Variants in NBAS observed in about 807,000 individuals in gnomAD.
The protein encoded by NBAS is NBAS subunit of NRZ tethering complex.
NBAS carries 219 observed loss-of-function variants against 302.5 expected under a neutral mutation model. The ratio of observed to expected loss-of-function variants is 0.72; its 90% CI spans 0.65 to 0.81. NBAS has a LOEUF of 0.81. Among genes scored for constraint, NBAS ranks in the 30% least tolerant of loss-of-function variants. The probability of loss-of-function intolerance (pLI) is 0.00; values close to 1 mark genes in which losing one functional copy is unlikely to be tolerated. For missense variants in NBAS, 2,932 were observed against 2,841.6 expected (o/e 1.03, Z -0.72); for synonymous variants, 1,118 against 1,021.6 (o/e 1.09, Z -1.80).
chr2:14,866,941 A>G, the NBAS span, among the ~76,000 whole-genome samples: 3 of 152,178 alleles, frequency 2.0e-5, no homozygotes, highest in African/African-American at 7.2e-5. Flanking sequence ...CAACTCACAG[A>G]TCTAACTGCG....
chr2:15,451,234 T>G (rs916800492), intron 21 of NBAS, among the ~76,000 whole-genome samples: 36 of 152,050 alleles, frequency 2.4e-4, no homozygotes, highest in Non-Finnish European at 7.4e-5. Flanking sequence ...TTATTTTCTG[T>G]AGAGACAGCG....
chr2:15,248,717 G>A (rs904354572), intron 44 of NBAS, among the ~76,000 whole-genome samples: 1 of 152,162 alleles, frequency 6.6e-6, no homozygotes, highest in African/African-American at 2.4e-5. Context: ...AAATCTAGAA[G>A]AAATGGATAA....
At chr2:15,388,005 T>A (rs1364481295) in intron 28 of NBAS, among the ~76,000 whole-genome samples, 2 of 152,196 alleles carry the variant, frequency 1.3e-5, no homozygotes, top group Non-Finnish European at 2.9e-5. Flanking sequence ...TGTCATAATG[T>A]TTTTATCAAA....
chr2:15,504,227 G>C lies in NBAS; in HGVS notation c.886-14C>G, dbSNP rs369836471. 4.7e-5 allele frequency: 75 copies of C among 1,591,346 alleles called. No homozygotes were observed. The highest frequency in any genetic ancestry group is 6.0e-5 in the Non-Finnish European group (70 of 1,159,660). ...TGTCTTCGGTACCTGCAAAATAAAT[G>C]CATCATATGAAGAAAGATTACTGAA... On this transcript the variant is annotated splice_polypyrimidine_tract_variant and intron_variant, in intron 10 of 51. Coordinates refer to ENST00000281513, the MANE Select transcript of NBAS (RefSeq NM_015909.4).
the NBAS span, among the ~76,000 whole-genome samples, chr2:15,047,070 T>C: frequency 2.0e-5 from 3 of 152,188 alleles, no homozygotes; most frequent in Non-Finnish European, 4.4e-5. Context: ...GATGAGTCTT[T>C]CAAGCAAGAT....
In NBAS at chr2:15,292,876, A is replaced by G. The variant is rs552861278; in HGVS notation, c.4798-110T>C. On this transcript the variant is annotated intron_variant, in intron 40 of 51. Transcript: ENST00000281513. The stretch of plus-strand genomic sequence containing the variant: ...TGCAAGGAACTGTTTGGCCCTGTAC[A>G]CTATTGCCATTTCATAAGGCTCACA... The G allele has an allele frequency of 1.5e-4, 159 of 1,073,558 alleles. 1 individual carries two copies. In the African/African-American group the frequency reaches 2.2e-3, roughly 15 times the overall value. The allele number at this position is 1,073,558 out of a possible 1,614,324, so 66.5% of individuals were successfully genotyped here.
chr2:15,177,590 C>T (rs1664608573), intron 51 of NBAS, among the ~76,000 whole-genome samples: 1 of 151,992 alleles, frequency 6.6e-6, no homozygotes, highest in Admixed American at 6.6e-5. Context: ...AGGCCCATGG[C>T]AAATTTTTGT....
At chr2:15,527,286 A>G (rs76460409) in intron 9 of NBAS, among the ~76,000 whole-genome samples, 1,919 of 152,370 alleles carry the variant, frequency 0.013, 32 homozygotes, top group East Asian at 0.057. Context: ...AAAGGTATAC[A>G]GTACATATTC....
chr2:15,393,565 T>C (rs2380650), intron 28 of NBAS: 244,473 of 397,152 alleles, frequency 0.62, 77,308 homozygotes, highest in Non-Finnish European at 0.67. Flanking sequence ...AACTATTCAC[T>C]TACCAAATGA....
At chr2:15,344,226 A>T (rs866422279) in intron 35 of NBAS, among the ~76,000 whole-genome samples, 11 of 152,156 alleles carry the variant, frequency 7.2e-5, no homozygotes, top group African/African-American at 2.6e-4. Context: ...TTAATAAAAA[A>T]AATTCTATCA....
At chr2:14,830,363 A>G in the NBAS span, among the ~76,000 whole-genome samples, 16 of 152,292 alleles carry the variant, frequency 1.1e-4, no homozygotes, top group African/African-American at 3.4e-4. Context: ...TAAACAGATC[A>G]GGGATGATTA....
the NBAS span, among the ~76,000 whole-genome samples, chr2:15,123,851 A>G: frequency 1.3e-5 from 2 of 152,218 alleles, no homozygotes; most frequent in Admixed American, 6.5e-5. Flanking sequence ...ACAAAAACAG[A>G]CTGATACAGA....
the NBAS span, among the ~76,000 whole-genome samples, chr2:15,034,046 G>GA: frequency 2.4e-5 from 2 of 83,454 alleles, no homozygotes; most frequent in Non-Finnish European, 4.5e-5. Context: ...GAAGGAGGAG[G>GA]AGGAGGAGGA....
chr2:15,223,427 A>G (rs941091928), intron 47 of NBAS, among the ~76,000 whole-genome samples: 1 of 152,210 alleles, frequency 6.6e-6, no homozygotes, highest in African/African-American at 2.4e-5. Flanking sequence ...TGTAAAAACT[A>G]GAATAGGAAG....
At chr2:15,016,367 T>A in the NBAS span, among the ~76,000 whole-genome samples, 2 of 152,108 alleles carry the variant, frequency 1.3e-5, no homozygotes, top group South Asian at 4.1e-4. Context: ...GGAGCTACAG[T>A]TTGGTTGGGG....
In NBAS at chr2:15,385,965, G is replaced by A. The variant is rs148350067; in HGVS notation, c.3258-2648C>T. ...CTTTCCTGCTGAAAAGTAGATTTTA[G>A]AGTAAAATCAGCATGATCTTGGAAA... On this transcript the variant is annotated intron_variant, in intron 28 of 51. Transcript: ENST00000281513. Among the ~76,000 whole-genome samples, 1,027 of 152,232 alleles carry A rather than the reference G, an allele frequency of 6.7e-3. 12 individuals are homozygous for A. Among genetic ancestry groups the A allele is most frequent in the African/African-American group, 0.022 (926 of 41,526 alleles).
chr2:15,344,349 A>T (rs1339437534), intron 35 of NBAS, among the ~76,000 whole-genome samples: 1 of 152,174 alleles, frequency 6.6e-6, no homozygotes, highest in East Asian at 1.9e-4. Flanking sequence ...CCACAGAAAT[A>T]CAAACTACTA....
chr2:15,128,367 T>C, the NBAS span, among the ~76,000 whole-genome samples: 1 of 152,184 alleles, frequency 6.6e-6, no homozygotes, highest in African/African-American at 2.4e-5. Flanking sequence ...TTCCAAGATC[T>C]GACAAATTCT....
At chr2:14,922,097 A>C in the NBAS span, among the ~76,000 whole-genome samples, 1 of 152,192 alleles carries the variant, frequency 6.6e-6, no homozygotes, top group Non-Finnish European at 1.5e-5. Context: ...AGCACCTCTG[A>C]GTATTTCACC....
Sources: gnomAD v4.1 joint callset for allele counts (sites outside exome capture counted in the v4.1 genomes callset) on GRCh38, gnomAD v4.1.1 for gene constraint, MANE v1.5 for transcripts, NCBI Gene and HGNC (gene_info 2026-07-23, HGNC 2026-07-21) for gene names.